Variants in GPSM1 observed in about 807,000 individuals in gnomAD.
GPSM1 encodes the protein G protein-signaling modulator 1.
A neutral mutation model predicts 70.5 loss-of-function variants in GPSM1; 48 were observed. The ratio of observed to expected loss-of-function variants is 0.68; its 90% CI spans 0.54 to 0.87. The LOEUF (loss-of-function observed/expected upper bound fraction) is 0.87. GPSM1 is among the 40% of genes least tolerant of loss of function. The pLI is 0.00. For synonymous variants in GPSM1, 416 were observed against 430.1 expected, an observed-to-expected ratio of 0.97 and a Z score of 0.41; for missense variants, 981 against 972.6, an observed-to-expected ratio of 1.01 and a Z score of -0.11.
rs1832225143 is a variant in GPSM1, at chr9:136,336,024, A to G, written c.349A>G (p.Lys117Glu). The change falls in exon 3 of 14, where the codon AAG becomes GAG. Residue 117 changes from lysine (K) to glutamate (E), a missense_variant. Physicochemically the swap from Lys to Glu is moderately conservative, Grantham distance 56. Transcript: ENST00000440944. ...CAGTGGAAACCTGGGAAACACACTC[A>G]AGGTCCTGGGGCGCTTCGACGAGGC... ...KASGNLGNTL[K>E]VLGRFDEAAV... The G allele has an allele frequency of 1.9e-6, 3 of 1,612,550 alleles. No homozygotes were observed. The highest frequency in any genetic ancestry group is 2.5e-6 in the Non-Finnish European group (3 of 1,179,868).
intron 1 of GPSM1, among the ~76,000 whole-genome samples, chr9:136,333,225 C>A (rs1832144457): frequency 6.6e-6 from 1 of 152,208 alleles, no homozygotes; most frequent in Non-Finnish European, 1.5e-5. Flanking sequence ...TCCGGGGGCA[C>A]CCTGCAGATG....
intron 9 of GPSM1, among the ~76,000 whole-genome samples, chr9:136,346,447 C>T (rs1199587873): frequency 5.3e-5 from 8 of 152,202 alleles, no homozygotes; most frequent in Admixed American, 1.3e-4. Context: ...GCAGCCAGGC[C>T]GATCCAGGGG....
At chr9:136,331,278 G>A (rs1554768433) in intron 1 of GPSM1, among the ~76,000 whole-genome samples, 1 of 152,116 alleles carries the variant, frequency 6.6e-6, no homozygotes, top group African/African-American at 2.4e-5. Flanking sequence ...CGTCAGACCT[G>A]GGGCCCTGTT....
rs1832369236 is a variant in GPSM1, at chr9:136,340,810, T to G, written c.1084-60T>G. The G allele has an allele frequency of 1.3e-6, 2 of 1,510,088 alleles. No homozygotes were observed. Among genetic ancestry groups the G allele is most frequent in the Non-Finnish European group, 1.8e-6 (2 of 1,133,624 alleles). The allele number at this position is 1,510,088 out of a possible 1,614,324, so 93.5% of individuals were successfully genotyped here. A position where few individuals can be genotyped will look rare whatever the true frequency, so the allele number is the denominator to read the frequency against. On this transcript the variant is annotated intron_variant, in intron 8 of 13. Transcript: ENST00000440944. The surrounding 1 kb of genome is among the most constrained non-coding windows in gnomAD (Gnocchi z 7.3). ...GTACTGGGGGCCATTAAGGTCCCCTTGGAGCCCACAGCAGGGCCCCCAGCC... is the reference window on the plus strand; with the variant it reads ...GTACTGGGGGCCATTAAGGTCCCCTGGGAGCCCACAGCAGGGCCCCCAGCC...
Position 136,337,976 on chromosome 9 carries a change from C to CA in GPSM1, c.818+17dup. On this transcript the variant is annotated intron_variant, in intron 6 of 13. Coordinates refer to ENST00000440944, the MANE Select transcript of GPSM1 (RefSeq NM_001145638.3). ...GAGTACTACAAGTAGGTGGTCCCCA[C>CA]AATCTCCCAGGGAGACAGCAGGCCG... is the stretch of plus-strand genomic sequence containing the variant. The CA allele has an allele frequency of 6.5e-7, 1 of 1,541,424 alleles. No homozygotes were observed. Among genetic ancestry groups the CA allele is most frequent in the African/African-American group, 1.4e-5 (1 of 73,766 alleles).
chr9:136,351,415 G>A (rs1374374471), intron 11 of GPSM1, among the ~76,000 whole-genome samples: 1 of 152,058 alleles, frequency 6.6e-6, no homozygotes, highest in African/African-American at 2.4e-5. Flanking sequence ...TCCACAGCTG[G>A]GTCTGCCCTG....
At chr9:136,334,342 C>A (rs1832174480) in intron 1 of GPSM1, 105 bp from the exon 2 acceptor site, 3 of 747,628 alleles carry the variant, frequency 4.0e-6, no homozygotes, top group South Asian at 1.7e-5. Context: ...GTGGTGTGTG[C>A]CCTAGCCCAC....
chr9:136,338,435 G>C, intron 6 of GPSM1, 120 bp from the exon 7 acceptor site: 1 of 938,286 alleles, frequency 1.1e-6, no homozygotes, highest in Non-Finnish European at 1.6e-6. Flanking sequence ...CTGGACCCCA[G>C]AGAGGCCCCA....
chr9:136,350,816 G>T (rs987675476), intron 11 of GPSM1, among the ~76,000 whole-genome samples: 7 of 152,288 alleles, frequency 4.6e-5, no homozygotes, highest in Admixed American at 2.6e-4. Flanking sequence ...CAGAGGTGGC[G>T]GGAGGGGTGG....
chr9:136,357,296 C>T (rs1002276998), intron 13 of GPSM1, among the ~76,000 whole-genome samples: 2 of 152,194 alleles, frequency 1.3e-5, no homozygotes, highest in Non-Finnish European at 1.5e-5. Flanking sequence ...ACGAACCAAG[C>T]CAGCACGTTT....
rs188276783 is a variant in GPSM1, at chr9:136,332,085, G to A, written c.69-2362G>A. The A allele has an allele frequency of 9.0e-3, 3,585 of 399,118 alleles. 22 individuals carry two copies. The highest frequency in any genetic ancestry group is 0.011 in the Non-Finnish European group (2,553 of 226,320). The allele number at this position is 399,118 out of a possible 1,614,324, so 24.7% of individuals were successfully genotyped here. A position where few individuals can be genotyped will look rare whatever the true frequency, so the allele number is the denominator to read the frequency against. The stretch of plus-strand genomic sequence containing the variant: ...GGCCGTGTGCAAGGTGGTGTATGGC[G>A]CCCCCCGCCCCCGCCCGCTGCTGCT... On this transcript the variant is annotated intron_variant, in intron 1 of 13. Transcript: ENST00000440944.
intron 1 of GPSM1, among the ~76,000 whole-genome samples, chr9:136,329,120 C>T (rs536489236): frequency 1.8e-4 from 28 of 152,228 alleles, no homozygotes; most frequent in African/African-American, 4.8e-4. Flanking sequence ...CCTGGGGACA[C>T]GCCAGGCAGG....
chr9:136,328,687 G>C (rs1244694710), intron 1 of GPSM1, among the ~76,000 whole-genome samples: 1 of 152,224 alleles, frequency 6.6e-6, no homozygotes, highest in African/African-American at 2.4e-5. Flanking sequence ...CGGCACGGCG[G>C]ACAGAGGCCT....
Position 136,358,016 on chromosome 9 carries a change from C to G in GPSM1, c.1824C>G (p.Ser608=), listed in dbSNP as rs1832885299. ...CCAACTGCACTGTGTCCACCCAGTC[C>G]TCCAGGATCGATGACCAGCGCTGCC... ...DFFNMLIKYQ[S]SRIDDQRCPP... is the part of the protein sequence containing the mutation. Residue 608 remains serine, a splice_region_variant and synonymous_variant, in exon 14 of 14, where the codon TCC becomes TCG. Transcript: ENST00000440944. 1.9e-6 allele frequency: 3 copies of G among 1,612,254 alleles called. No individual in the cohort carries two copies. Among genetic ancestry groups the G allele is most frequent in the Non-Finnish European group, 2.5e-6 (3 of 1,179,444 alleles).
intron 11 of GPSM1, among the ~76,000 whole-genome samples, chr9:136,351,901 G>A (rs1554772155): frequency 6.6e-6 from 1 of 152,268 alleles, no homozygotes; most frequent in Admixed American, 6.5e-5. Context: ...CCTGGTGGCA[G>A]CCTGTATGGG....
chr9:136,330,402 G>C (rs1832073901), intron 1 of GPSM1, among the ~76,000 whole-genome samples: 1 of 152,074 alleles, frequency 6.6e-6, no homozygotes, highest in African/African-American at 2.4e-5. Flanking sequence ...TCCCCGTCCT[G>C]GGCACCATCC....
chr9:136,340,746 A>G lies in GPSM1; in HGVS notation c.1084-124A>G. ...TGGTTCCCTCAGAGGCCCAGGGGTCAGTGACCAGTTCAGGTCACTCAGAAG... is the reference window on the plus strand; with the variant it reads ...TGGTTCCCTCAGAGGCCCAGGGGTCGGTGACCAGTTCAGGTCACTCAGAAG... On this transcript the variant is annotated intron_variant, in intron 8 of 13. Transcript: ENST00000440944. The surrounding 1 kb of genome is among the most constrained non-coding windows in gnomAD (Gnocchi z 7.3). The G allele has an allele frequency of 2.3e-6, 3 of 1,332,530 alleles. No individual in the cohort carries two copies. The highest frequency in any genetic ancestry group is 3.0e-6 in the Non-Finnish European group (3 of 1,005,140). 82.5% of individuals were successfully genotyped at this position (1,332,530 alleles called of 1,614,324 possible).
chr9:136,352,032 T>G (rs1044952358), intron 11 of GPSM1, among the ~76,000 whole-genome samples: 3 of 150,170 alleles, frequency 2.0e-5, no homozygotes. Flanking sequence ...GGTCCTCATC[T>G]GCAAAGTGCA....
chr9:136,351,411 G>T (rs1410042675), intron 11 of GPSM1, among the ~76,000 whole-genome samples: 13 of 152,228 alleles, frequency 8.5e-5, no homozygotes, highest in African/African-American at 3.1e-4. Context: ...CCTGTCCACA[G>T]CTGGGTCTGC....
Sources: gnomAD v4.1 joint callset for allele counts (sites outside exome capture counted in the v4.1 genomes callset) on GRCh38, gnomAD v4.1.1 for gene constraint, Gnocchi (gnomAD v3.1) non-coding constraint, MANE v1.5 for transcripts, NCBI Gene and HGNC (gene_info 2026-07-23, HGNC 2026-07-21) for gene names.